DMD: variants seen among roughly 807,000 people sequenced by gnomAD.
The protein encoded by DMD is mutant dystrophin.
A neutral mutation model predicts 330.1 loss-of-function variants in DMD; 63 were observed. That is an observed-to-expected ratio of 0.19 (90% CI 0.16 to 0.24). The LOEUF (loss-of-function observed/expected upper bound fraction) is 0.24. Among genes scored for constraint, DMD ranks in the 10% least tolerant of loss-of-function variants. The pLI, the probability that DMD is intolerant of heterozygous loss-of-function variation, is 1.00. For synonymous variants in DMD, 1,223 were observed against 959.8 expected (o/e 1.27, Z -5.07); for missense variants, 3,344 against 2,684.1 (o/e 1.25, Z -5.43).
chrX:32,839,942 A>C (rs959245265), intron 4 of DMD, among the ~76,000 whole-genome samples: 10 of 111,361 alleles, frequency 9.0e-5, no homozygotes, highest in African/African-American at 3.3e-4. Flanking sequence ...ATTTCTTGAC[A>C]TCATGATCCA....
chrX:32,569,168 T>C (rs5927080), intron 15 of DMD, among the ~76,000 whole-genome samples: 9,745 of 111,277 alleles, frequency 0.088, 402 homozygotes, highest in Middle Eastern at 0.14. Flanking sequence ...ACTGGGTCAG[T>C]AGTGGATATG....
chrX:31,133,587 T>C (rs2034800302), intron 77 of DMD, among the ~76,000 whole-genome samples: 1 of 112,010 alleles, frequency 8.9e-6, no homozygotes, highest in Non-Finnish European at 1.9e-5. Flanking sequence ...CCAACTACTC[T>C]ATGAAGATTT....
At chrX:32,685,578 T>C (rs2062795938) in intron 9 of DMD, among the ~76,000 whole-genome samples, 1 of 112,124 alleles carries the variant, frequency 8.9e-6, no homozygotes, top group Admixed American at 9.5e-5. Flanking sequence ...AAGTAAGTTT[T>C]ATTGTGAAGT....
At chrX:31,809,169 T>TTATA (rs34547031) in intron 50 of DMD, among the ~76,000 whole-genome samples, 1,561 of 98,559 alleles carry the variant, frequency 0.016, 16 homozygotes, top group African/African-American at 0.03. Flanking sequence ...ATATATGAGT[T>TTATA]TATATATATA....
At chrX:32,013,324 A>C (rs2095731552) in intron 44 of DMD, among the ~76,000 whole-genome samples, 1 of 110,404 alleles carries the variant, frequency 9.1e-6, no homozygotes. Flanking sequence ...TGACCTCGTG[A>C]TCTGCCCACC....
intron 44 of DMD, among the ~76,000 whole-genome samples, chrX:32,005,259 A>G (rs1459608892): frequency 9.0e-6 from 1 of 111,675 alleles, no homozygotes; most frequent in African/African-American, 3.2e-5. Flanking sequence ...GATTACTTAA[A>G]AAGCAATTTA....
At chrX:33,171,852 G>C (rs2049362892) in intron 1 of DMD, among the ~76,000 whole-genome samples, 1 of 110,732 alleles carries the variant, frequency 9.0e-6, no homozygotes, top group Non-Finnish European at 1.9e-5. Flanking sequence ...ATATATGGTT[G>C]GTGCTGTGCT....
At chrX:33,084,983 G>A (rs2094983518) in intron 1 of DMD, among the ~76,000 whole-genome samples, 1 of 109,930 alleles carries the variant, frequency 9.1e-6, no homozygotes, top group Admixed American at 9.8e-5. Context: ...TCTAATGACT[G>A]CAATGGGGTG....
At chrX:31,768,978 T>G (rs980856467) in intron 51 of DMD, among the ~76,000 whole-genome samples, 15 of 112,488 alleles carry the variant, frequency 1.3e-4, no homozygotes, top group Admixed American at 1.3e-3. Context: ...TTTTTTTCAC[T>G]GAATATAATT....
chrX:32,276,617 T>C (rs2097389172), intron 43 of DMD, among the ~76,000 whole-genome samples: 1 of 111,463 alleles, frequency 9.0e-6, no homozygotes, highest in Non-Finnish European at 1.9e-5. Flanking sequence ...CACTCTCCAA[T>C]CAAGAGAGAT....
chrX:32,433,697 A>C lies in DMD; in HGVS notation c.4071+4544T>G, dbSNP rs139604772. Among the ~76,000 whole-genome samples the C allele has an allele frequency of 8.5e-3, 951 of 111,618 alleles. 9 individuals carry two copies. Among genetic ancestry groups the C allele is most frequent in the South Asian group, 0.071 (187 of 2,645 alleles). On this transcript the variant is annotated intron_variant, in intron 29 of 78. Transcript: ENST00000357033. ...CATCTCAAAAAAAGAAAAAACAAAA[A>C]CAAAAACCACCATGTATCATAAGGC...
At chrX:32,785,559 C>A (rs1231475671) in intron 7 of DMD, among the ~76,000 whole-genome samples, 1 of 111,238 alleles carries the variant, frequency 9.0e-6, no homozygotes, top group Non-Finnish European at 1.9e-5. Context: ...TTAAAATGTA[C>A]ATTTCTGTTT....
rs1474128155 is a variant in DMD, at chrX:31,120,124, T to G, written c.*1795A>C. 9.0e-6 allele frequency: 1 copy of G among 110,810 alleles called. No homozygotes were observed. Among genetic ancestry groups the G allele is most frequent in the East Asian group, 2.8e-4 (1 of 3,581 alleles). 9.1% of individuals were successfully genotyped at this position (110,810 alleles called of 1,213,427 possible). A position where few individuals can be genotyped will look rare whatever the true frequency, so the allele number is the denominator to read the frequency against. On this transcript the variant is annotated 3_prime_UTR_variant, in exon 79 of 79. Coordinates refer to ENST00000357033, the MANE Select transcript of DMD (RefSeq NM_004006.3). ...TACACTTGATGTCAGAGGTAACAGATTTGCAAAATTATAGGTCACACGGTG... is the reference window on the plus strand; with the variant it reads ...TACACTTGATGTCAGAGGTAACAGAGTTGCAAAATTATAGGTCACACGGTG...
intron 47 of DMD, among the ~76,000 whole-genome samples, chrX:31,889,451 T>C (rs1459814951): frequency 3.6e-5 from 4 of 110,235 alleles, no homozygotes; most frequent in African/African-American, 1.3e-4. Context: ...GACATTGATT[T>C]GCTCAAACCT....
chrX:32,454,807 T>A lies in DMD; in HGVS notation c.3458A>T (p.Lys1153Met). 8.3e-7 allele frequency: 1 copy of A among 1,207,884 alleles called. No individual in the cohort carries two copies. Among genetic ancestry groups the A allele is most frequent in the Non-Finnish European group, 1.1e-6 (1 of 893,309 alleles). ...GCTTACAGTTTTCTCCAAACCTCCC[T>A]TCAAGGCCTCCTTTCTGGCATAGAC... ...QQVYARKEAL[K>M]GGLEKTVSLQ... Residue 1153 changes from lysine to methionine, a missense_variant, in exon 26 of 79, where the codon AAG becomes ATG. Coordinates refer to ENST00000357033, the MANE Select transcript of DMD (RefSeq NM_004006.3).
chrX:32,344,837 G>T (rs904634607), intron 39 of DMD, among the ~76,000 whole-genome samples: 3 of 111,555 alleles, frequency 2.7e-5, no homozygotes, highest in African/African-American at 9.8e-5. Flanking sequence ...AGTTGGAAGG[G>T]TGTGAGTTAC....
chrX:33,314,570 G>GTTTTTTTTTTTT (rs1170142842), intron 1 of DMD, among the ~76,000 whole-genome samples: 320 of 78,516 alleles, frequency 4.1e-3, no homozygotes, highest in Middle Eastern at 0.016. Context: ...TTTTTTTTTT[G>GTTTTTTTTTTTT]TTTTTTTTTT....
intron 3 of DMD, among the ~76,000 whole-genome samples, chrX:32,847,894 G>A (rs947654335): frequency 1.8e-5 from 2 of 112,031 alleles, no homozygotes; most frequent in African/African-American, 6.5e-5. Context: ...CGAAATTAGT[G>A]GTTTTTTCTT....
At chrX:32,660,117 C>A (rs1250347306) in intron 9 of DMD, among the ~76,000 whole-genome samples, 1 of 111,060 alleles carries the variant, frequency 9.0e-6, no homozygotes, top group Non-Finnish European at 1.9e-5. Context: ...AGCTTTTGAT[C>A]TTAGGGTTCA....
Sources: allele counts gnomAD v4.1 joint callset (sites outside exome capture counted in the v4.1 genomes callset), GRCh38; gene constraint gnomAD v4.1.1; transcripts MANE v1.5; gene names NCBI Gene and HGNC (gene_info 2026-07-23, HGNC 2026-07-21).